CNTNAP2: variants seen among roughly 807,000 people sequenced by gnomAD.
CNTNAP2 encodes the protein contactin-associated protein-like 2.
In CNTNAP2, 98 loss-of-function variants were observed where a neutral mutation model predicts 155.2. That is an observed-to-expected ratio of 0.63 (90% CI 0.54 to 0.75). The LOEUF (loss-of-function observed/expected upper bound fraction) is 0.75. Ranked by LOEUF, CNTNAP2 falls within the 30% of genes least tolerant of loss-of-function variation. The pLI is 0.00. For missense variants in CNTNAP2, 1,727 were observed against 1,688.1 expected (o/e 1.02, Z -0.40); for synonymous variants, 651 against 631.2 (o/e 1.03, Z -0.47).
chr7:147,380,294 G>A (rs939983542), intron 9 of CNTNAP2, among the ~76,000 whole-genome samples: 1 of 151,548 alleles, frequency 6.6e-6, no homozygotes, highest in Non-Finnish European at 1.5e-5. Flanking sequence ...GAAGGGTTTT[G>A]TTATGAATGA....
At chr7:147,576,226 C>G (rs150291623) in intron 12 of CNTNAP2, among the ~76,000 whole-genome samples, 1 of 152,108 alleles carries the variant, frequency 6.6e-6, no homozygotes, top group East Asian at 1.9e-4. Context: ...AGCACTACTA[C>G]TGCTGTGAAT....
Position 146,535,535 on chromosome 7 carries a change from A to AT in CNTNAP2, c.98-238736_98-238735insT, listed in dbSNP as rs1797855483. ...AATCAATCAACATTTGTTTATTTAA[A>AT]CTTTAAACTTTCTAATTCGTATTTT... On this transcript the variant is annotated intron_variant, in intron 1 of 23. Coordinates refer to ENST00000361727, the MANE Select transcript of CNTNAP2 (RefSeq NM_014141.6). Among the ~76,000 whole-genome samples, 3 of 137,822 alleles carry AT rather than the reference A, an allele frequency of 2.2e-5. No homozygotes were observed. In the South Asian group the frequency reaches 6.9e-4, roughly 32 times the overall value. The allele number at this position is 137,822 out of a possible 152,430, so 90.4% of individuals were successfully genotyped here.
At chr7:147,828,656 C>A (rs375392488) in intron 13 of CNTNAP2, among the ~76,000 whole-genome samples, 65 of 152,264 alleles carry the variant, frequency 4.3e-4, no homozygotes, top group Middle Eastern at 3.4e-3. Context: ...GTTGCTATTA[C>A]CCCATGCTAC....
At chr7:146,253,188 G>A (rs2116946146) in intron 1 of CNTNAP2, among the ~76,000 whole-genome samples, 1 of 152,238 alleles carries the variant, frequency 6.6e-6, no homozygotes, top group South Asian at 2.1e-4. Flanking sequence ...CAGAAGTGCT[G>A]CCATTTCCTC....
At chr7:146,911,381 C>G in intron 3 of CNTNAP2, among the ~76,000 whole-genome samples, 1 of 152,000 alleles carries the variant, frequency 6.6e-6, no homozygotes, top group Non-Finnish European at 1.5e-5. Flanking sequence ...GCATTATTCA[C>G]AACAGCAAAG....
At chr7:147,033,172 A>ATATATATG (rs1554427661) in intron 3 of CNTNAP2, among the ~76,000 whole-genome samples, 3 of 46,586 alleles carry the variant, frequency 6.4e-5, no homozygotes, top group African/African-American at 2.5e-4. Flanking sequence ...ATATATATAT[A>ATATATATG]TATATATATA....
chr7:147,188,267 G>T lies in CNTNAP2; in HGVS notation c.1348+55758G>T, dbSNP rs145105046. On this transcript the variant is annotated intron_variant, in intron 8 of 23. Transcript: ENST00000361727. ...GATGTGTGTGGGCAGGATAGGGCAA[G>T]ACCAAGGACAGCATGGTATCAGTGA... 3.1e-3 allele frequency among the ~76,000 whole-genome samples: 472 copies of T among 152,282 alleles called. 3 individuals carry two copies. The highest frequency in any genetic ancestry group is 0.011 in the East Asian group (55 of 5,170).
chr7:148,272,507 T>C (rs937533286), intron 21 of CNTNAP2, among the ~76,000 whole-genome samples: 2 of 152,206 alleles, frequency 1.3e-5, no homozygotes, highest in African/African-American at 4.8e-5. Context: ...TTTGCAAATG[T>C]CACGAAGCTG....
intron 16 of CNTNAP2, among the ~76,000 whole-genome samples, chr7:148,144,394 A>C (rs1363954340): frequency 6.6e-6 from 1 of 152,216 alleles, no homozygotes; most frequent in Non-Finnish European, 1.5e-5. Context: ...TGCAGCATCC[A>C]CCTGGGATGC....
At chr7:147,632,600 T>C (rs551514206) in intron 12 of CNTNAP2, among the ~76,000 whole-genome samples, 1 of 152,310 alleles carries the variant, frequency 6.6e-6, no homozygotes, top group Non-Finnish European at 1.5e-5. Flanking sequence ...CTTTATAAAT[T>C]ACCCAGTCTC....
At chr7:147,609,517 C>CTG (rs1021497407) in intron 12 of CNTNAP2, among the ~76,000 whole-genome samples, 2 of 151,826 alleles carry the variant, frequency 1.3e-5, no homozygotes, top group African/African-American at 4.8e-5. Context: ...GGTGACAGAG[C>CTG]GAGACTCTGT....
At chr7:147,896,190 T>A (rs12533758) in intron 13 of CNTNAP2, among the ~76,000 whole-genome samples, 30,484 of 152,034 alleles carry the variant, frequency 0.2, 3,430 homozygotes, top group Middle Eastern at 0.28. Context: ...ATGGAGGAAA[T>A]ATTTCAGATC....
In CNTNAP2 at chr7:147,765,611, T is replaced by C. The variant is rs143480355; in HGVS notation, c.2098+126305T>C. Among the ~76,000 whole-genome samples, 318 of 152,168 alleles carry C rather than the reference T, an allele frequency of 2.1e-3. 4 individuals carry two copies. Among genetic ancestry groups the C allele is most frequent in the African/African-American group, 7.3e-3 (304 of 41,514 alleles). On this transcript the variant is annotated intron_variant, in intron 13 of 23. Transcript: ENST00000361727. Reference sequence around the variant, plus strand: ...GCTGGCCAGGGTGAGAAATAGCGAGTTATACATCGCCGTTTGGGATGTAAA... The same window carrying C: ...GCTGGCCAGGGTGAGAAATAGCGAGCTATACATCGCCGTTTGGGATGTAAA...
chr7:147,460,920 G>A (rs572220887), intron 10 of CNTNAP2, among the ~76,000 whole-genome samples: 2 of 152,136 alleles, frequency 1.3e-5, no homozygotes, highest in Non-Finnish European at 2.9e-5. Context: ...TTAGTCAATT[G>A]TTTGGCCGAA....
chr7:147,398,543 G>C (rs1268146587), intron 10 of CNTNAP2, among the ~76,000 whole-genome samples: 1 of 149,230 alleles, frequency 6.7e-6, no homozygotes, highest in Non-Finnish European at 1.5e-5. Context: ...CAATTTGTCT[G>C]AAGGTGTTTT....
chr7:147,243,734 G>T (rs1450633399), intron 8 of CNTNAP2, among the ~76,000 whole-genome samples: 2 of 152,088 alleles, frequency 1.3e-5, no homozygotes, highest in Admixed American at 6.5e-5. Flanking sequence ...CACCAATTTT[G>T]ATACATTTTA....
At chr7:146,808,946 T>A (rs2129193240) in intron 2 of CNTNAP2, among the ~76,000 whole-genome samples, 1 of 152,324 alleles carries the variant, frequency 6.6e-6, no homozygotes, top group East Asian at 1.9e-4. Context: ...ACATGTCACA[T>A]TTTTGTTATC....
chr7:147,807,012 C>T (rs1284045537), intron 13 of CNTNAP2, among the ~76,000 whole-genome samples: 2 of 151,938 alleles, frequency 1.3e-5, no homozygotes, highest in Non-Finnish European at 2.9e-5. Flanking sequence ...TGAAATGTTC[C>T]TAACACAAAT....
chr7:147,350,185 C>G (rs1340226101), intron 9 of CNTNAP2, among the ~76,000 whole-genome samples: 1 of 151,766 alleles, frequency 6.6e-6, no homozygotes, highest in East Asian at 1.9e-4. Context: ...TAGTAAAAGT[C>G]AATATATTTC....
Sources: gnomAD v4.1 joint callset for allele counts (sites outside exome capture counted in the v4.1 genomes callset) on GRCh38, gnomAD v4.1.1 for gene constraint, MANE v1.5 for transcripts, NCBI Gene and HGNC (gene_info 2026-07-23, HGNC 2026-07-21) for gene names.